TOP3A: variants seen among roughly 807,000 people sequenced by gnomAD.
The protein encoded by TOP3A is DNA topoisomerase III alpha, also known as DNA topoisomerase 3-alpha.
In TOP3A, 64 loss-of-function variants were observed where a neutral mutation model predicts 111.3. The observed-to-expected ratio is 0.57, with a 90% CI of 0.47 to 0.71. TOP3A has a LOEUF of 0.71. Ranked by LOEUF, TOP3A falls within the 30% of genes least tolerant of loss-of-function variation. The pLI, the probability that TOP3A is intolerant of heterozygous loss-of-function variation, is 0.00. For synonymous variants in TOP3A, 484 were observed against 485.1 expected, an observed-to-expected ratio of 1.00 and a Z score of 0.03; for missense variants, 1,104 against 1,285.0, an observed-to-expected ratio of 0.86 and a Z score of 2.15.
At chr17:18,304,100 G>A (rs1194795717) in intron 5 of TOP3A, among the ~76,000 whole-genome samples, 2 of 152,040 alleles carry the variant, frequency 1.3e-5, no homozygotes, top group Non-Finnish European at 2.9e-5. Context: ...GAGTAGCTGG[G>A]ACTACAGGCG....
chr17:18,297,904 C>T (rs546767848), intron 9 of TOP3A, among the ~76,000 whole-genome samples: 1 of 151,118 alleles, frequency 6.6e-6, no homozygotes, highest in African/African-American at 2.4e-5. Flanking sequence ...ATGTGAGGAG[C>T]CCCTCTGCCT....
At chr17:18,282,584 A>T in intron 16 of TOP3A, 114 bp downstream of exon 16, 11 of 1,471,868 alleles carry the variant, frequency 7.5e-6, no homozygotes, top group Non-Finnish European at 1.0e-5. Context: ...CAGGTTGGCA[A>T]CAACAGGCCT....
At chr17:18,280,345 G>T in intron 17 of TOP3A, 191 bp downstream of exon 17, 1 of 549,934 alleles carries the variant, frequency 1.8e-6, no homozygotes, top group Non-Finnish European at 3.1e-6. Context: ...GGTCATACCT[G>T]CCAAAGCAGT....
At chr17:18,305,086 A>G in intron 5 of TOP3A, 26 bp downstream of exon 5, 9 of 1,588,562 alleles carry the variant, frequency 5.7e-6, no homozygotes, top group Non-Finnish European at 7.8e-6. Flanking sequence ...AAAGTAGAGA[A>G]AGTCAGCAGC....
intron 18 of TOP3A, 99 bp from the exon 19 acceptor site, chr17:18,275,079 G>A (rs1979257138): frequency 1.4e-6 from 2 of 1,472,250 alleles, no homozygotes; most frequent in East Asian, 4.6e-5. Context: ...AGCACTTTAG[G>A]AAGCTGAGGG....
chr17:18,292,779 G>A lies in TOP3A; in HGVS notation c.1147C>T (p.Gln383Ter). The A allele has an allele frequency of 6.2e-7, 1 of 1,614,058 alleles. No homozygotes were observed. The highest frequency in any genetic ancestry group is 1.7e-5 in the Admixed American group (1 of 59,992). ...GCCCCCCAGCGTGGATCGGGGGTCT[G>A]CTGTTCCACCAACACCGTCAGGTTT... Reference protein sequence around the residue: ...DLNLTVLVEQQTPDPRWGAFA... With the variant: ...DLNLTVLVEQ The change falls in exon 11 of 19, where the codon CAG becomes TAG. Residue 383 changes from glutamine to a stop codon, truncating the protein, a stop_gained. Coordinates refer to ENST00000321105, the MANE Select transcript of TOP3A (RefSeq NM_004618.5). LOFTEE classifies it high-confidence loss of function.
At chr17:18,302,842 A>G in intron 5 of TOP3A, 119 bp from the exon 6 acceptor site, 1 of 1,223,092 alleles carries the variant, frequency 8.2e-7, no homozygotes, top group African/African-American at 1.5e-5. Flanking sequence ...AAGCTGTGAG[A>G]TGACCAATTT....
intron 5 of TOP3A, among the ~76,000 whole-genome samples, chr17:18,303,343 G>A (rs1981357171): frequency 2.6e-5 from 4 of 152,208 alleles, no homozygotes; most frequent in Admixed American, 1.3e-4. Flanking sequence ...GGCCTCGTGG[G>A]AAGGGAAAGA....
chr17:18,285,216 G>C lies in TOP3A; in HGVS notation c.1803C>G (p.Asp601Glu). Residue 601 changes from aspartate (D) to glutamate (E), a missense_variant, in exon 15 of 19, where the codon GAC becomes GAG. By Grantham distance (45) the Asp-to-Glu change is conservative (BLOSUM62 2). Coordinates refer to ENST00000321105, the MANE Select transcript of TOP3A (RefSeq NM_004618.5). ...DLKLICDGKKDKFVVLRQQVQ... is the reference protein window; with the variant it reads ...DLKLICDGKKEKFVVLRQQVQ... ...CTTGCTGCCTTAGAACCACAAATTT[G>C]TCCTTTTTGCCATCACAGATCAGCT... The C allele has an allele frequency of 6.2e-7, 1 of 1,614,186 alleles. No individual in the cohort carries two copies.
At chr17:18,309,292 T>C (rs1232536662) in intron 1 of TOP3A, among the ~76,000 whole-genome samples, 1 of 152,238 alleles carries the variant, frequency 6.6e-6, no homozygotes, top group Non-Finnish European at 1.5e-5. Flanking sequence ...TTGGCCACTC[T>C]GGAAAATGTT....
rs781217267 is a variant in TOP3A at position 18,278,054 on chromosome 17, G to A, written c.2448C>T (p.Gly816=). The change falls in exon 18 of 19, where the codon GGC becomes GGT. Residue 816 remains glycine, a synonymous_variant. Coordinates refer to ENST00000321105, the MANE Select transcript of TOP3A (RefSeq NM_004618.5). ...GGACAGTGAGCAGCACAGCCTCCTG[G>A]CCACAGTTGCAGGTCACAGAATTGC... The part of the protein sequence containing the change: ...GESNSVTCNC[G]QEAVLLTVRK... 3 of 1,614,200 alleles carry A rather than the reference G, an allele frequency of 1.9e-6. No homozygotes were observed. Among genetic ancestry groups the A allele is most frequent in the Middle Eastern group, 1.6e-4 (1 of 6,062 alleles).
Position 18,272,886 on chromosome 17 carries a change from C to G in TOP3A, c.*1916G>C, listed in dbSNP as rs1979085730. On this transcript the variant is annotated 3_prime_UTR_variant, in exon 19 of 19. Coordinates refer to ENST00000321105, the MANE Select transcript of TOP3A (RefSeq NM_004618.5). ...GTCAGGCTGGTCTCGAACTCCTGACCTCAGGTGATCTGCCCACCTTGGCCT... is the reference window on the plus strand; with the variant it reads ...GTCAGGCTGGTCTCGAACTCCTGACGTCAGGTGATCTGCCCACCTTGGCCT... The G allele has an allele frequency of 6.6e-6, 1 of 152,134 alleles. No individual in the cohort carries two copies. The allele number at this position is 152,134 out of a possible 1,614,324, so 9.4% of individuals were successfully genotyped here.
chr17:18,296,538 C>T (rs951348769), intron 9 of TOP3A, among the ~76,000 whole-genome samples: 1 of 152,108 alleles, frequency 6.6e-6, no homozygotes, highest in African/African-American at 2.4e-5. Context: ...CAAGATCACG[C>T]CACTGCACTC....
intron 17 of TOP3A, among the ~76,000 whole-genome samples, chr17:18,279,326 G>A (rs894920102): frequency 6.6e-6 from 1 of 151,782 alleles, no homozygotes; most frequent in Non-Finnish European, 1.5e-5. Flanking sequence ...GTGCAATCTC[G>A]GCTCACTGAA....
intron 13 of TOP3A, among the ~76,000 whole-genome samples, chr17:18,287,682 A>G (rs1980192001): frequency 6.6e-6 from 1 of 151,790 alleles, no homozygotes. Context: ...ACAGAGTAAG[A>G]TGCTATCTCT....
Position 18,285,208 on chromosome 17 carries a change from A to T in TOP3A, c.1811T>A (p.Val604Glu). The change falls in exon 15 of 19, where the codon GTG becomes GAG. Residue 604 changes from valine (V) to glutamate (E), a missense_variant. Transcript: ENST00000321105. ...LICDGKKDKFVVLRQQVQKYK... is the reference protein window; with the variant it reads ...LICDGKKDKFEVLRQQVQKYK... Reference sequence around the variant, plus strand: ...TTTCTGCACTTGCTGCCTTAGAACCACAAATTTGTCCTTTTTGCCATCACA... The same window carrying T: ...TTTCTGCACTTGCTGCCTTAGAACCTCAAATTTGTCCTTTTTGCCATCACA... 1.2e-6 allele frequency: 2 copies of T among 1,614,154 alleles called. No homozygotes were observed. Among genetic ancestry groups the T allele is most frequent in the Non-Finnish European group, 8.5e-7 (1 of 1,180,022 alleles).
At chr17:18,288,921 G>A (rs1980294289) in intron 13 of TOP3A, among the ~76,000 whole-genome samples, 1 of 152,172 alleles carries the variant, frequency 6.6e-6, no homozygotes, top group Admixed American at 6.5e-5. Context: ...CACTCTTGTG[G>A]GCCTCACACT....
At chr17:18,298,310 C>T (rs1980980407) in intron 9 of TOP3A, among the ~76,000 whole-genome samples, 3 of 151,204 alleles carry the variant, frequency 2.0e-5, no homozygotes, top group Admixed American at 2.0e-4. Flanking sequence ...TGCCCAGCAG[C>T]CACCTCGTCC....
At chr17:18,300,700 C>T (rs992853582) in intron 8 of TOP3A, among the ~76,000 whole-genome samples, 6 of 152,040 alleles carry the variant, frequency 3.9e-5, no homozygotes, top group Admixed American at 1.3e-4. Context: ...GAACTATATG[C>T]AGGTACCACC....
Sources: gnomAD v4.1 joint callset for allele counts (sites outside exome capture counted in the v4.1 genomes callset) on GRCh38, gnomAD v4.1.1 for gene constraint, MANE v1.5 for transcripts, NCBI Gene and HGNC (gene_info 2026-07-23, HGNC 2026-07-21) for gene names.